Variants in SDK2 observed in about 807,000 individuals in gnomAD.
SDK2 encodes sidekick cell adhesion molecule 2, also known as protein sidekick-2.
SDK2 carries 105 observed loss-of-function variants against 253.9 expected under a neutral mutation model. The observed-to-expected ratio is 0.41, with a 90% CI of 0.35 to 0.49. The LOEUF (loss-of-function observed/expected upper bound fraction) is 0.49, where lower values mean the gene tolerates loss of function less well. Ranked by LOEUF, SDK2 falls within the 20% of genes least tolerant of loss-of-function variation. The pLI is 0.06. For missense variants in SDK2, 2,608 were observed against 3,003.0 expected, an observed-to-expected ratio of 0.87 and a Z score of 3.07; for synonymous variants, 1,249 against 1,234.9, an observed-to-expected ratio of 1.01 and a Z score of -0.24.
chr17:73,528,621 C>G (rs2064145102), intron 1 of SDK2, among the ~76,000 whole-genome samples: 1 of 152,210 alleles, frequency 6.6e-6, no homozygotes, highest in Non-Finnish European at 1.5e-5. Context: ...GCTGCTTGCT[C>G]TCTGTTCTCC....
At position 73,412,963 on chromosome 17, in the gene SDK2, C is replaced by T. The variant is rs529331260; in HGVS notation, c.2484+1681G>A. ...ACCAACCCTGCCCACACAGTAATCCCGTACTTCTAATCCCCAGAACTGTGC... is the reference window on the plus strand; with the variant it reads ...ACCAACCCTGCCCACACAGTAATCCTGTACTTCTAATCCCCAGAACTGTGC... On this transcript the variant is annotated intron_variant, in intron 18 of 44. Transcript: ENST00000392650. Among the ~76,000 whole-genome samples the T allele has an allele frequency of 1.8e-4, 28 of 152,220 alleles. No individual in the cohort carries two copies. In the East Asian group the frequency reaches 1.9e-3, roughly 10 times the overall value.
At chr17:73,380,767 C>T in intron 34 of SDK2, 127 bp downstream of exon 34, 1 of 801,256 alleles carries the variant, frequency 1.2e-6, no homozygotes, top group South Asian at 1.5e-5. Context: ...CAGGGTAGTC[C>T]CGTTTCTTAA....
chr17:73,339,544 A>C (rs1045187687), intron 44 of SDK2, among the ~76,000 whole-genome samples: 12 of 150,878 alleles, frequency 8.0e-5, no homozygotes, highest in Non-Finnish European at 1.6e-4. Flanking sequence ...TTTCCTTTTT[A>C]TTCTTTTTTT....
chr17:73,561,016 C>A (rs1031881065), intron 1 of SDK2, among the ~76,000 whole-genome samples: 2 of 152,142 alleles, frequency 1.3e-5, no homozygotes, highest in African/African-American at 4.8e-5. Flanking sequence ...AAATCAGGAC[C>A]CCCTCCTCAC....
At chr17:73,423,257 G>T in intron 14 of SDK2, 129 bp downstream of exon 14, 1 of 860,820 alleles carries the variant, frequency 1.2e-6, no homozygotes. Context: ...GAACGCTGAG[G>T]CTGCCAGAGG....
At chr17:73,573,902 G>C (rs1488621449) in intron 1 of SDK2, among the ~76,000 whole-genome samples, 2 of 152,152 alleles carry the variant, frequency 1.3e-5, no homozygotes, top group Non-Finnish European at 2.9e-5. Context: ...CCCTTTATCC[G>C]GGCCTTGCTC....
At chr17:73,351,437 C>G (rs1435400069) in intron 41 of SDK2, among the ~76,000 whole-genome samples, 1 of 152,022 alleles carries the variant, frequency 6.6e-6, no homozygotes, top group Non-Finnish European at 1.5e-5. Flanking sequence ...TTGTACTTGT[C>G]TAGGAGCTAT....
chr17:73,354,637 G>T (rs1032311310), intron 40 of SDK2, among the ~76,000 whole-genome samples: 1 of 152,172 alleles, frequency 6.6e-6, no homozygotes, highest in Non-Finnish European at 1.5e-5. Flanking sequence ...CAGCTCGCAG[G>T]TCCTCTCTGT....
At chr17:73,458,466 G>T (rs757619370) in intron 3 of SDK2, among the ~76,000 whole-genome samples, 9 of 152,250 alleles carry the variant, frequency 5.9e-5, no homozygotes, top group Admixed American at 6.5e-5. Flanking sequence ...GTTTGAGAAT[G>T]CGGGCCTACA....
Position 73,465,300 on chromosome 17 carries a change from G to A in SDK2, c.331+6812C>T, listed in dbSNP as rs1390447581. On this transcript the variant is annotated intron_variant, in intron 3 of 44. Transcript: ENST00000392650. The surrounding 1 kb of genome is among the most constrained non-coding windows in gnomAD (Gnocchi z 4.2). ...CAGGATGGGGCAGGCGCTCTGCCCTGCTGTGGGTGGGTGGGTGCGTGGGTT... is the reference window on the plus strand; with the variant it reads ...CAGGATGGGGCAGGCGCTCTGCCCTACTGTGGGTGGGTGGGTGCGTGGGTT... Among the ~76,000 whole-genome samples the A allele has an allele frequency of 7.0e-6, 1 of 142,922 alleles. No individual in the cohort carries two copies. Among genetic ancestry groups the A allele is most frequent in the Non-Finnish European group, 1.6e-5 (1 of 64,178 alleles). The allele number at this position is 142,922 out of a possible 152,430, so 93.8% of individuals were successfully genotyped here.
chr17:73,372,863 G>A (rs1286987830), intron 36 of SDK2, among the ~76,000 whole-genome samples: 1 of 152,182 alleles, frequency 6.6e-6, no homozygotes, highest in East Asian at 1.9e-4. Flanking sequence ...CCACAATCAA[G>A]CTAATTAACA....
chr17:73,613,661 G>T (rs903454287), intron 1 of SDK2, among the ~76,000 whole-genome samples: 2 of 119,592 alleles, frequency 1.7e-5, no homozygotes, highest in Middle Eastern at 0.015. Context: ...GGACCCCTTT[G>T]TTGGCCGGCC....
intron 1 of SDK2, among the ~76,000 whole-genome samples, chr17:73,526,572 T>G (rs747370965): frequency 3.5e-4 from 54 of 152,158 alleles, no homozygotes; most frequent in Non-Finnish European, 5.9e-4. Flanking sequence ...GGTGCTTGGA[T>G]GTCATCTGTG....
intron 36 of SDK2, among the ~76,000 whole-genome samples, chr17:73,372,429 C>T (rs1368517257): frequency 6.6e-6 from 1 of 152,168 alleles, no homozygotes; most frequent in East Asian, 1.9e-4. Context: ...CCATGGTCCT[C>T]AATCAATATC....
chr17:73,343,814 C>A (rs1456516055), intron 44 of SDK2, among the ~76,000 whole-genome samples: 1 of 152,180 alleles, frequency 6.6e-6, no homozygotes, highest in Non-Finnish European at 1.5e-5. Flanking sequence ...GGTGTTGAGA[C>A]CTTGGGGTCA....
rs1231573650 is a variant in SDK2 at position 73,534,901 on chromosome 17, G to A, written c.65-27304C>T. On this transcript the variant is annotated intron_variant, in intron 1 of 44. Transcript: ENST00000392650. The surrounding 1 kb of genome is among the most constrained non-coding windows in gnomAD (Gnocchi z 4.9). ...GATACTGGATACTCTGCGATCGGCC[G>A]ATCAGCCCGCTACTGGGTCTAAGGA... Among the ~76,000 whole-genome samples, 2 of 152,144 alleles carry A rather than the reference G, an allele frequency of 1.3e-5. No individual in the cohort carries two copies. Among genetic ancestry groups the A allele is most frequent in the Admixed American group, 6.5e-5 (1 of 15,278 alleles).
chr17:73,593,242 C>T (rs556555395), intron 1 of SDK2, among the ~76,000 whole-genome samples: 1 of 152,298 alleles, frequency 6.6e-6, no homozygotes, highest in Non-Finnish European at 1.5e-5. Flanking sequence ...CTTCTGTCAT[C>T]CCTGGATCCA....
At chr17:73,363,769 C>T (rs955141715) in intron 38 of SDK2, among the ~76,000 whole-genome samples, 1 of 152,118 alleles carries the variant, frequency 6.6e-6, no homozygotes, top group South Asian at 2.1e-4. Context: ...GGGTCCTGGA[C>T]AGGCCAGGTT....
intron 38 of SDK2, among the ~76,000 whole-genome samples, chr17:73,363,062 C>T (rs1042682744): frequency 7.2e-5 from 11 of 152,188 alleles, no homozygotes; most frequent in African/African-American, 2.4e-5. Flanking sequence ...GGTGCCTGAC[C>T]TATTTATTGA....
Sources: gnomAD v4.1 joint callset for allele counts (sites outside exome capture counted in the v4.1 genomes callset) on GRCh38, gnomAD v4.1.1 for gene constraint, Gnocchi (gnomAD v3.1) non-coding constraint, MANE v1.5 for transcripts, NCBI Gene and HGNC (gene_info 2026-07-23, HGNC 2026-07-21) for gene names.